Variants in MID1 observed in about 807,000 individuals in gnomAD.
The protein encoded by MID1 is midline 1.
Under a neutral mutation model 40.4 loss-of-function variants are expected in MID1, and 7 were observed. The ratio of observed to expected loss-of-function variants is 0.17; its 90% CI spans 0.10 to 0.33. The LOEUF (loss-of-function observed/expected upper bound fraction) is 0.33. Ranked by LOEUF, MID1 falls within the 10% of genes least tolerant of loss-of-function variation. The pLI is 1.00. For synonymous variants in MID1, 229 were observed against 221.2 expected (o/e 1.04, Z -0.31); for missense variants, 367 against 558.5 (o/e 0.66, Z 3.46).
At chrX:10,591,238 C>A (rs1400660483) in intron 1 of MID1, among the ~76,000 whole-genome samples, 1 of 112,157 alleles carries the variant, frequency 8.9e-6, no homozygotes, top group African/African-American at 3.2e-5. Flanking sequence ...TATGAGAACA[C>A]ATTTCATTTT....
At chrX:10,740,513 A>C (rs1375246994) in intron 1 of MID1, among the ~76,000 whole-genome samples, 1 of 112,247 alleles carries the variant, frequency 8.9e-6, no homozygotes, top group Non-Finnish European at 1.9e-5. Context: ...ACAGAGCCTA[A>C]TGAAAAGGAG....
intron 2 of MID1, among the ~76,000 whole-genome samples, chrX:10,530,568 G>T (rs771892736): frequency 1.8e-5 from 2 of 112,062 alleles, no homozygotes; most frequent in African/African-American, 6.5e-5. Context: ...TATTTTTAAT[G>T]CACACATTTT....
intron 1 of MID1, among the ~76,000 whole-genome samples, chrX:10,720,964 C>T (rs2043348791): frequency 9.3e-6 from 1 of 107,259 alleles, no homozygotes; most frequent in African/African-American, 3.4e-5. Context: ...AACCGAACAC[C>T]GCATGTTCTC....
chrX:10,614,855 C>A (rs190872704), intron 1 of MID1, among the ~76,000 whole-genome samples: 49 of 112,308 alleles, frequency 4.4e-4, no homozygotes, highest in African/African-American at 1.6e-3. Flanking sequence ...AGTGGCATGT[C>A]CTCAAAACAC....
intron 1 of MID1, among the ~76,000 whole-genome samples, chrX:10,595,158 T>C (rs895814797): frequency 1.8e-5 from 2 of 111,679 alleles, no homozygotes; most frequent in African/African-American, 3.3e-5. Flanking sequence ...AACTGGCACA[T>C]GGCAGAGACC....
At chrX:10,649,674 C>A (rs1936297456) in intron 1 of MID1, among the ~76,000 whole-genome samples, 1 of 111,160 alleles carries the variant, frequency 9.0e-6, no homozygotes, top group Non-Finnish European at 1.9e-5. Context: ...TTCAAAGGAC[C>A]CTAGCTACCA....
At chrX:10,450,574 C>T (rs1231606342) in intron 9 of MID1, among the ~76,000 whole-genome samples, 2 of 112,295 alleles carry the variant, frequency 1.8e-5, no homozygotes, top group Non-Finnish European at 3.8e-5. Flanking sequence ...AGAATTTGAA[C>T]TCAGGATGAC....
At chrX:10,708,567 C>T (rs1569151777) in intron 1 of MID1, among the ~76,000 whole-genome samples, 1 of 111,340 alleles carries the variant, frequency 9.0e-6, no homozygotes, top group Non-Finnish European at 1.9e-5. Context: ...TGGTTAGCTT[C>T]TCCGTAGGCC....
chrX:10,767,989 G>A (rs1299690701), intron 1 of MID1, among the ~76,000 whole-genome samples: 2 of 111,588 alleles, frequency 1.8e-5, no homozygotes, highest in Admixed American at 1.9e-4. Flanking sequence ...ATACTTGAAT[G>A]GTTAAACAGA....
At chrX:10,746,023 G>A (rs1428074885) in intron 1 of MID1, among the ~76,000 whole-genome samples, 2 of 111,972 alleles carry the variant, frequency 1.8e-5, no homozygotes, top group African/African-American at 3.3e-5. Flanking sequence ...AAGAAGAAAC[G>A]ATGACTTAAG....
intron 1 of MID1, among the ~76,000 whole-genome samples, chrX:10,651,118 G>A (rs1453304140): frequency 1.8e-5 from 2 of 111,802 alleles, no homozygotes; most frequent in African/African-American, 6.5e-5. Flanking sequence ...GCAGATCTTG[G>A]CTTCTTTCAC....
At chrX:10,814,852 T>C (rs2044125800) in intron 1 of MID1, among the ~76,000 whole-genome samples, 1 of 112,006 alleles carries the variant, frequency 8.9e-6, no homozygotes, top group African/African-American at 3.2e-5. Flanking sequence ...TGGAGATTCA[T>C]CCAGGTTGTT....
intron 2 of MID1, among the ~76,000 whole-genome samples, chrX:10,537,824 G>A (rs1182812458): frequency 8.9e-6 from 1 of 111,920 alleles, no homozygotes; most frequent in Non-Finnish European, 1.9e-5. Flanking sequence ...TTTGATCTCA[G>A]ATCTCAACTC....
At chrX:10,771,025 GA>G (rs1831043903) in intron 1 of MID1, among the ~76,000 whole-genome samples, 1 of 108,106 alleles carries the variant, frequency 9.3e-6, no homozygotes. Flanking sequence ...AGAATGGCGT[GA>G]ACCCGGGAGG....
intron 1 of MID1, among the ~76,000 whole-genome samples, chrX:10,598,007 G>T (rs921865419): frequency 9.0e-6 from 1 of 111,550 alleles, no homozygotes; most frequent in Non-Finnish European, 1.9e-5. Context: ...ATCTCAGAAA[G>T]AGCTAGGGCC....
chrX:10,643,807 A>G (rs1490486433), intron 1 of MID1, among the ~76,000 whole-genome samples: 1 of 111,796 alleles, frequency 8.9e-6, no homozygotes, highest in Non-Finnish European at 1.9e-5. Context: ...CATATACACC[A>G]TGGAATACTA....
intron 1 of MID1, chrX:10,589,707 C>T: frequency 9.0e-6 from 1 of 110,816 alleles, no homozygotes; most frequent in Admixed American, 9.6e-5. Flanking sequence ...GGGCAAATGC[C>T]TACCCGGGAG....
chrX:10,705,619 A>G (rs2043225894), intron 1 of MID1, among the ~76,000 whole-genome samples: 1 of 112,177 alleles, frequency 8.9e-6, no homozygotes, highest in South Asian at 3.7e-4. Flanking sequence ...CAGCCACTAC[A>G]CTGAGCATTC....
intron 3 of MID1, 138 bp from the exon 4 acceptor site, chrX:10,495,829 G>A (rs1039566472): frequency 1.4e-4 from 72 of 507,056 alleles, no homozygotes; most frequent in Non-Finnish European, 2.3e-4. Flanking sequence ...GATTACGCAA[G>A]GATTGCAAAT....
Sources: gnomAD v4.1 joint callset for allele counts (sites outside exome capture counted in the v4.1 genomes callset) on GRCh38, gnomAD v4.1.1 for gene constraint, MANE v1.5 for transcripts, NCBI Gene and HGNC (gene_info 2026-07-23, HGNC 2026-07-21) for gene names.